Variants in GTF2IRD1 observed in about 807,000 individuals in gnomAD.
GTF2IRD1 encodes the protein general transcription factor II-I repeat domain-containing protein 1.
A neutral mutation model predicts 113.2 loss-of-function variants in GTF2IRD1; 26 were observed. The observed-to-expected ratio is 0.23, with a 90% CI of 0.17 to 0.32. The LOEUF (loss-of-function observed/expected upper bound fraction) is 0.32, where lower values mean the gene tolerates loss of function less well. Ranked by LOEUF, GTF2IRD1 falls within the 10% of genes least tolerant of loss-of-function variation. GTF2IRD1 has a pLI of 1.00. For synonymous variants in GTF2IRD1, 484 were observed against 529.1 expected, an observed-to-expected ratio of 0.91 and a Z score of 1.17; for missense variants, 864 against 1,280.8, an observed-to-expected ratio of 0.67 and a Z score of 4.97.
chr7:74,594,811 G>C (rs1802305733), intron 24 of GTF2IRD1, among the ~76,000 whole-genome samples: 3 of 151,976 alleles, frequency 2.0e-5, no homozygotes, highest in Non-Finnish European at 4.4e-5. Flanking sequence ...ACTTAGCCGG[G>C]CATGGTGGCG....
chr7:74,466,066 C>T lies in GTF2IRD1; in HGVS notation c.-7+11890C>T, dbSNP rs2267839. ...GATTATAGGCATGAGCCACTGCACC[C>T]GGACAGCATGCCTCGGTTTCTGCTT... On this transcript the variant is annotated intron_variant, in intron 1 of 26. Coordinates refer to ENST00000424337, the MANE Select transcript of GTF2IRD1 (RefSeq NM_005685.4). 0.029 allele frequency among the ~76,000 whole-genome samples: 4,455 copies of T among 152,290 alleles called. 314 individuals carry two copies. In the East Asian group the frequency reaches 0.32, roughly 11 times the overall value.
At chr7:74,517,233 A>C (rs1200210557) in intron 4 of GTF2IRD1, among the ~76,000 whole-genome samples, 1 of 151,638 alleles carries the variant, frequency 6.6e-6, no homozygotes, top group Non-Finnish European at 1.5e-5. Flanking sequence ...CATGTTGGCC[A>C]GGCTGGTCTC....
At chr7:74,542,795 A>G (rs1583840984) in intron 14 of GTF2IRD1, among the ~76,000 whole-genome samples, 1 of 152,202 alleles carries the variant, frequency 6.6e-6, no homozygotes, top group African/African-American at 2.4e-5. Flanking sequence ...AGAAAACACC[A>G]TAGAAGCCTC....
intron 14 of GTF2IRD1, among the ~76,000 whole-genome samples, chr7:74,541,948 TAGAC>T (rs1469803590): frequency 1.4e-5 from 2 of 140,652 alleles, no homozygotes; most frequent in African/African-American, 5.1e-5. Flanking sequence ...AGATAAAAAT[TAGAC>T]AGGAACGGTA....
chr7:74,554,628 T>C (rs1799494465), intron 17 of GTF2IRD1, among the ~76,000 whole-genome samples: 1 of 152,144 alleles, frequency 6.6e-6, no homozygotes, highest in African/African-American at 2.4e-5. Context: ...AACCTCTGCC[T>C]CCTGGGTTCA....
intron 1 of GTF2IRD1, among the ~76,000 whole-genome samples, chr7:74,465,243 C>T (rs1793637399): frequency 6.6e-6 from 1 of 152,152 alleles, no homozygotes; most frequent in African/African-American, 2.4e-5. Flanking sequence ...AAACCACATC[C>T]TCCCTCTTTG....
At chr7:74,470,035 T>A (rs1316075540) in intron 1 of GTF2IRD1, among the ~76,000 whole-genome samples, 1 of 152,150 alleles carries the variant, frequency 6.6e-6, no homozygotes, top group Non-Finnish European at 1.5e-5. Flanking sequence ...CCAGGCTCTG[T>A]TGGCCAGGCT....
intron 23 of GTF2IRD1, among the ~76,000 whole-genome samples, chr7:74,590,514 G>A (rs781864775): frequency 2.0e-5 from 3 of 151,576 alleles, no homozygotes; most frequent in Non-Finnish European, 4.4e-5. Context: ...TCAGCCTCAC[G>A]AGTAGCTGGG....
intron 2 of GTF2IRD1, among the ~76,000 whole-genome samples, chr7:74,511,918 C>G (rs1278733118): frequency 6.6e-6 from 1 of 152,166 alleles, no homozygotes; most frequent in Non-Finnish European, 1.5e-5. Flanking sequence ...GACCTCGACT[C>G]TGGGGCCATG....
intron 2 of GTF2IRD1, among the ~76,000 whole-genome samples, chr7:74,510,049 T>G (rs1796536158): frequency 6.6e-6 from 1 of 152,094 alleles, no homozygotes; most frequent in African/African-American, 2.4e-5. Context: ...CTTCAAGCTG[T>G]TCCTGCTGTA....
intron 1 of GTF2IRD1, among the ~76,000 whole-genome samples, chr7:74,495,237 G>A (rs1795587359): frequency 6.6e-6 from 1 of 152,196 alleles, no homozygotes; most frequent in African/African-American, 2.4e-5. Flanking sequence ...GGGCGGGACA[G>A]GGCCCTCCAG....
chr7:74,488,293 A>T (rs559600173), intron 1 of GTF2IRD1, among the ~76,000 whole-genome samples: 13 of 152,178 alleles, frequency 8.5e-5, no homozygotes, highest in African/African-American at 2.6e-4. Flanking sequence ...AAAATAAAGA[A>T]TTGTAGCACA....
At chr7:74,521,366 A>G in intron 7 of GTF2IRD1, 69 bp downstream of exon 7, 1 of 906,326 alleles carries the variant, frequency 1.1e-6, no homozygotes, top group East Asian at 2.4e-5. Context: ...GCTTATTGAA[A>G]TGGAAGTGTA....
At chr7:74,481,858 A>G (rs1156408430) in intron 1 of GTF2IRD1, among the ~76,000 whole-genome samples, 5 of 152,212 alleles carry the variant, frequency 3.3e-5, no homozygotes, top group Admixed American at 2.0e-4. Flanking sequence ...TTAAAATTGA[A>G]CTTCCTGAAA....
intron 1 of GTF2IRD1, among the ~76,000 whole-genome samples, chr7:74,496,301 T>G: frequency 7.0e-6 from 1 of 142,394 alleles, no homozygotes; most frequent in Non-Finnish European, 1.5e-5. Flanking sequence ...TGGGTGTGCA[T>G]GTGTGTGGGG....
chr7:74,577,185 G>A (rs1438426612), intron 22 of GTF2IRD1, among the ~76,000 whole-genome samples: 1 of 152,102 alleles, frequency 6.6e-6, no homozygotes, highest in Non-Finnish European at 1.5e-5. Flanking sequence ...CTACAAGCGT[G>A]CACCACCTAT....
chr7:74,474,700 GGT>G (rs1167023909), intron 1 of GTF2IRD1, among the ~76,000 whole-genome samples: 1 of 152,172 alleles, frequency 6.6e-6, no homozygotes, highest in African/African-American at 2.4e-5. Flanking sequence ...TGCTGAGGTG[GGT>G]TGCGAGATGC....
At chr7:74,513,104 G>C in intron 3 of GTF2IRD1, 133 bp downstream of exon 3, 3 of 824,200 alleles carry the variant, frequency 3.6e-6, no homozygotes, top group Non-Finnish European at 3.8e-6. Context: ...AAGCTAGGTT[G>C]TCTGAGATTC....
intron 22 of GTF2IRD1, among the ~76,000 whole-genome samples, chr7:74,574,564 A>G (rs1266993797): frequency 6.7e-6 from 1 of 149,800 alleles, no homozygotes; most frequent in Non-Finnish European, 1.5e-5. Context: ...AGCTCAAGTG[A>G]TCCTCCTGCC....
Sources: gnomAD v4.1 joint callset for allele counts (sites outside exome capture counted in the v4.1 genomes callset) on GRCh38, gnomAD v4.1.1 for gene constraint, MANE v1.5 for transcripts, NCBI Gene and HGNC (gene_info 2026-07-23, HGNC 2026-07-21) for gene names.